The following SMARCA5 variants were observed in gnomAD, a reference collection of about 807,000 sequenced individuals.
SMARCA5 encodes the protein SNF2 related chromatin remodeling ATPase 5, also known as SWI/SNF-related matrix-associated actin-dependent regulator of chromatin subfamily A member 5.
SMARCA5 carries 18 observed loss-of-function variants against 140.4 expected under a neutral mutation model. That is an observed-to-expected ratio of 0.13 (90% confidence interval 0.09 to 0.19). SMARCA5 has a LOEUF of 0.19. SMARCA5 is among the 10% of genes least tolerant of loss of function. SMARCA5 has a pLI of 1.00. For missense variants in SMARCA5, 606 were observed against 1,276.8 expected (o/e 0.47, Z 8.01); for synonymous variants, 449 against 419.6 (o/e 1.07, Z -0.86).
chr4:143,533,498 C>CTTTTTTTTTTTTT (rs10580434), intron 9 of SMARCA5, among the ~76,000 whole-genome samples: 2 of 127,550 alleles, frequency 1.6e-5, no homozygotes, highest in Admixed American at 8.2e-5. Flanking sequence ...CTTGTCCATT[C>CTTTTTTTTTTTTT]TTTTTTTTTT....
rs749420945 is a variant in SMARCA5 at position 143,521,521 on chromosome 4, T to C, written c.345T>C (p.Thr115=). ...AACCTGCTGCTCAGAAGACTCCAAC[T>C]TCACCTTTGAAGATGAAACCAGGGC... ...FIQPAAQKTP[T]SPLKMKPGRP... is the part of the protein sequence containing the mutation. Residue 115 remains threonine, a synonymous_variant, in exon 3 of 24, where the codon ACT becomes ACC. Coordinates refer to ENST00000283131, the MANE Select transcript of SMARCA5 (RefSeq NM_003601.4). 4 of 1,613,752 alleles carry C rather than the reference T, an allele frequency of 2.5e-6. No homozygotes were observed. In the African/African-American group the frequency reaches 5.3e-5, roughly 22 times the overall value.
At chr4:143,522,900 T>C (rs1049489193) in intron 3 of SMARCA5, among the ~76,000 whole-genome samples, 1 of 152,184 alleles carries the variant, frequency 6.6e-6, no homozygotes, top group Admixed American at 6.5e-5. Context: ...AATAGTGTTA[T>C]TAGGGAAAAA....
Position 143,513,848 on chromosome 4 carries a change from A to G in SMARCA5, c.-77A>G, listed in dbSNP as rs1387155354. 22 of 1,466,234 alleles carry G rather than the reference A, an allele frequency of 1.5e-5. No individual in the cohort carries two copies. Among genetic ancestry groups the G allele is most frequent in the Non-Finnish European group, 1.9e-5 (21 of 1,097,096 alleles). The allele number at this position is 1,466,234 out of a possible 1,614,324, so 90.8% of individuals were successfully genotyped here. On this transcript the variant is annotated 5_prime_UTR_variant, in exon 1 of 24. Transcript: ENST00000283131. ...CTCCACCAGTTTATTGCGACGTAGC[A>G]TCCAGGCCTAGGCCTCCCCGTCCAT...
chr4:143,544,076 T>A lies in SMARCA5; in HGVS notation c.2172+104T>A, dbSNP rs1737479008. The A allele has an allele frequency of 3.9e-6, 3 of 765,056 alleles. No individual in the cohort carries two copies. The East Asian group carries it at 9.2e-5, about 23-fold the overall frequency. The allele number at this position is 765,056 out of a possible 1,614,324, so 47.4% of individuals were successfully genotyped here. The stretch of plus-strand genomic sequence containing the variant: ...CTTATAATTTTGCTTAAAACAGTAG[T>A]CATTTTTGCTTATTCACATCTGAAT... On this transcript the variant is annotated intron_variant, in intron 16 of 23. Coordinates refer to ENST00000283131, the MANE Select transcript of SMARCA5 (RefSeq NM_003601.4).
intron 2 of SMARCA5, among the ~76,000 whole-genome samples, chr4:143,519,648 C>T (rs1304377497): frequency 1.3e-5 from 2 of 152,106 alleles, no homozygotes; most frequent in African/African-American, 4.8e-5. Context: ...GCAAGAAGCT[C>T]CCTTGTCATC....
rs765701360 is a variant in SMARCA5 at position 143,555,139 on chromosome 4, A to G, written c.*1955A>G. On this transcript the variant is annotated 3_prime_UTR_variant, in exon 24 of 24. Coordinates refer to ENST00000283131, the MANE Select transcript of SMARCA5 (RefSeq NM_003601.4). ...TGCTACTGGAACTGCCTTAACCACT[A>G]CTGCTACTGGAACTGCCTTAGCCAC... 6.3e-5 allele frequency: 44 copies of G among 701,294 alleles called. No homozygotes were observed. Among genetic ancestry groups the G allele is most frequent in the Non-Finnish European group, 1.0e-4 (38 of 378,384 alleles). The allele number at this position is 701,294 out of a possible 1,614,324, so 43.4% of individuals were successfully genotyped here. A position where few individuals can be genotyped will look rare whatever the true frequency, so the allele number is the denominator to read the frequency against.
At chr4:143,547,039 C>A in intron 20 of SMARCA5, 131 bp downstream of exon 20, 2 of 843,620 alleles carry the variant, frequency 2.4e-6, no homozygotes, top group Non-Finnish European at 1.7e-6. Context: ...TTATTTTTTA[C>A]AAATTAGAAA....
intron 4 of SMARCA5, 135 bp downstream of exon 4, chr4:143,524,602 A>G: frequency 1.7e-6 from 1 of 597,778 alleles, no homozygotes; most frequent in South Asian, 2.2e-5. Context: ...TTATGAAATA[A>G]ACTTCAGATT....
intron 9 of SMARCA5, among the ~76,000 whole-genome samples, chr4:143,533,730 A>G (rs952260313): frequency 6.6e-5 from 10 of 151,902 alleles, no homozygotes; most frequent in African/African-American, 2.4e-4. Context: ...GATGGTCTCG[A>G]TTTCCTGACC....
intron 2 of SMARCA5, among the ~76,000 whole-genome samples, chr4:143,520,243 T>G (rs1273105868): frequency 1.3e-5 from 2 of 152,226 alleles, no homozygotes; most frequent in Admixed American, 6.5e-5. Flanking sequence ...TTTCATTATC[T>G]ATAAATTAAG....
Position 143,554,444 on chromosome 4 carries a change from C to T in SMARCA5, c.*1260C>T, listed in dbSNP as rs1737707900. 6.6e-6 allele frequency: 1 copy of T among 151,484 alleles called. No individual in the cohort carries two copies. Among genetic ancestry groups the T allele is most frequent in the African/African-American group, 2.4e-5 (1 of 41,196 alleles). 9.4% of individuals were successfully genotyped at this position (151,484 alleles called of 1,614,324 possible). Reference sequence around the variant, plus strand: ...CACTTTTTCCTTTAGGACACATTTCCCTTAATTGGATATCTTTCCCTTAAA... The same window carrying T: ...CACTTTTTCCTTTAGGACACATTTCTCTTAATTGGATATCTTTCCCTTAAA... On this transcript the variant is annotated 3_prime_UTR_variant, in exon 24 of 24. Coordinates refer to ENST00000283131, the MANE Select transcript of SMARCA5 (RefSeq NM_003601.4).
intron 8 of SMARCA5, among the ~76,000 whole-genome samples, chr4:143,529,095 C>G (rs1395840009): frequency 6.6e-6 from 1 of 152,048 alleles, no homozygotes; most frequent in African/African-American, 2.4e-5. Flanking sequence ...CCACCATGCC[C>G]GGCTAGTTTC....
At chr4:143,542,710 TTTTG>T (rs1359935882) in intron 14 of SMARCA5, among the ~76,000 whole-genome samples, 15 of 152,096 alleles carry the variant, frequency 9.9e-5, no homozygotes, top group Non-Finnish European at 2.2e-4. Context: ...CTTTCTGGGT[TTTTG>T]TTTGTTTTTT....
chr4:143,533,991 CAAAT>C (rs763541902), intron 9 of SMARCA5, among the ~76,000 whole-genome samples: 1 of 152,088 alleles, frequency 6.6e-6, no homozygotes, highest in Non-Finnish European at 1.5e-5. Context: ...TTTTGCGAAA[CAAAT>C]AGATGGTTTG....
chr4:143,555,034 A>G lies in SMARCA5; in HGVS notation c.*1850A>G. On this transcript the variant is annotated 3_prime_UTR_variant, in exon 24 of 24. Transcript: ENST00000283131. ...TGTTTTAACCTGTCACTTCCCTGTC[A>G]CTTCTCTGGCTTTCCTCTCCCGCTA... The G allele has an allele frequency of 1.9e-6, 1 of 535,902 alleles. No homozygotes were observed. The highest frequency in any genetic ancestry group is 3.5e-6 in the Non-Finnish European group (1 of 282,016). 33.2% of individuals were successfully genotyped at this position (535,902 alleles called of 1,614,324 possible).
chr4:143,522,303 T>A (rs1283986933), intron 3 of SMARCA5, among the ~76,000 whole-genome samples: 1 of 152,220 alleles, frequency 6.6e-6, no homozygotes, highest in Non-Finnish European at 1.5e-5. Flanking sequence ...CATGTTGAAT[T>A]TGGAAATTCT....
intron 14 of SMARCA5, 23 bp from the exon 15 acceptor site, chr4:143,543,483 CATT>C (rs745756460): frequency 3.7e-6 from 6 of 1,603,550 alleles, no homozygotes; most frequent in South Asian, 1.1e-5. Context: ...GTTCAGTTAA[CATT>C]ATACAACACA....
chr4:143,534,750 G>C (rs527272287), intron 9 of SMARCA5, 105 bp from the exon 10 acceptor site: 2 of 721,746 alleles, frequency 2.8e-6, no homozygotes, highest in East Asian at 3.1e-5. Context: ...TGATACTCAC[G>C]CAGAGAAATT....
chr4:143,554,256 C>T lies in SMARCA5; in HGVS notation c.*1072C>T, dbSNP rs1737705134. 1 of 152,052 alleles carries T rather than the reference C, an allele frequency of 6.6e-6. No homozygotes were observed. Among genetic ancestry groups the T allele is most frequent in the Non-Finnish European group, 1.5e-5 (1 of 67,984 alleles). 9.4% of individuals were successfully genotyped at this position (152,052 alleles called of 1,614,324 possible). On this transcript the variant is annotated 3_prime_UTR_variant, in exon 24 of 24. Transcript: ENST00000283131. ...GTACCAGAGGCCTTTATGTGCTACA[C>T]ATAATTTGTATAAAATTTTATATGT...
Sources: allele counts gnomAD v4.1 joint callset (sites outside exome capture counted in the v4.1 genomes callset), GRCh38; gene constraint gnomAD v4.1.1; transcripts MANE v1.5; gene names NCBI Gene and HGNC (gene_info 2026-07-23, HGNC 2026-07-21).